Variants in ZNF57 observed in about 807,000 individuals in gnomAD.
ZNF57 encodes zinc finger protein 424.
In ZNF57, 11 loss-of-function variants were observed where a neutral mutation model predicts 13.4. The ratio of observed to expected loss-of-function variants is 0.82; its 90% CI spans 0.52 to 1.36. ZNF57 has a LOEUF of 1.36. Ranked by LOEUF, ZNF57 falls within the 40% of genes most tolerant of loss-of-function variation. The pLI is 0.00. For missense variants in ZNF57, 696 were observed against 667.5 expected, an observed-to-expected ratio of 1.04 and a Z score of -0.47; for synonymous variants, 224 against 238.5, an observed-to-expected ratio of 0.94 and a Z score of 0.56.
At chr19:2,911,529 T>C (rs2088135998) in intron 1 of ZNF57, among the ~76,000 whole-genome samples, 1 of 110,068 alleles carries the variant, frequency 9.1e-6, no homozygotes, top group African/African-American at 4.2e-5. Context: ...GGAGAGTCTG[T>C]CTCAAAAACA....
rs1555677930 is a variant in ZNF57 at position 2,909,283 on chromosome 19, T to TTTTA, written c.4-6236_4-6235insATTT. 4.3e-5 allele frequency among the ~76,000 whole-genome samples: 5 copies of TTTTA among 116,452 alleles called. No individual in the cohort carries two copies. In the South Asian group the frequency reaches 1.1e-3, roughly 26 times the overall value. The allele number at this position is 116,452 out of a possible 152,430, so 76.4% of individuals were successfully genotyped here. A position where few individuals can be genotyped will look rare whatever the true frequency, so the allele number is the denominator to read the frequency against. ...TAGATTTTATTTTATTTATTTTTGT[T>TTTTA]TTTTTTTTTTTTTTTGAGACAGAGT... is the stretch of plus-strand genomic sequence containing the variant. On this transcript the variant is annotated intron_variant, in intron 1 of 3. Coordinates refer to ENST00000306908, the MANE Select transcript of ZNF57 (RefSeq NM_173480.3).
intron 1 of ZNF57, among the ~76,000 whole-genome samples, chr19:2,913,810 T>G (rs1217707658): frequency 6.6e-6 from 1 of 152,168 alleles, no homozygotes; most frequent in Non-Finnish European, 1.5e-5. Context: ...CCAGCAAATT[T>G]TTGCATTTTT....
Position 2,918,082 on chromosome 19 carries a change from G to C in ZNF57, c.1461G>C (p.Trp487Cys). The stretch of plus-strand genomic sequence containing the variant: ...AACAATGTGGAAAAACCTTCACTTG[G>C]TCCTCAACCTTACATAATCATGTGA... ...ECKQCGKTFT[W>C]SSTLHNHVRM... The change falls in exon 4 of 4, where the codon TGG (tryptophan) becomes TGC (cysteine). Residue 487 changes from tryptophan to cysteine, a missense_variant. By Grantham distance (215) the Trp-to-Cys change is radical (BLOSUM62 -2). Transcript: ENST00000306908. 3 of 1,614,028 alleles carry C rather than the reference G, an allele frequency of 1.9e-6. No homozygotes were observed. Among genetic ancestry groups the C allele is most frequent in the Non-Finnish European group, 2.5e-6 (3 of 1,179,982 alleles).
intron 1 of ZNF57, among the ~76,000 whole-genome samples, chr19:2,901,708 A>G (rs199595379): frequency 7.9e-5 from 12 of 151,960 alleles, no homozygotes; most frequent in South Asian, 2.1e-4. Flanking sequence ...TAGTAGAGAC[A>G]GGGTTTCACC....
rs779772739 is a variant in ZNF57, at chr19:2,917,088, A to C, written c.467A>C (p.Lys156Thr). Residue 156 changes from lysine (K) to threonine (T), a missense_variant, in exon 4 of 4, where the codon AAA (lysine) becomes ACA (threonine). This residue lies in a region of ZNF57 where 645 missense variants were observed against 591.5 expected (regional missense o/e 1.09). Coordinates refer to ENST00000306908, the MANE Select transcript of ZNF57 (RefSeq NM_173480.3). Reference protein sequence around the residue: ...RTVFTHLSSLKRHVKSHCGRK... With the variant: ...RTVFTHLSSLTRHVKSHCGRK... Reference sequence around the variant, plus strand: ...GTCTTCACGCATCTTTCTTCTCTTAAAAGGCACGTCAAGTCTCACTGTGGA... The same window carrying C: ...GTCTTCACGCATCTTTCTTCTCTTACAAGGCACGTCAAGTCTCACTGTGGA... 27 of 1,614,040 alleles carry C rather than the reference A, an allele frequency of 1.7e-5. No homozygotes were observed. The highest frequency in any genetic ancestry group is 2.3e-5 in the Non-Finnish European group (27 of 1,180,034).
intron 1 of ZNF57, among the ~76,000 whole-genome samples, chr19:2,904,766 T>G (rs2088058884): frequency 6.6e-6 from 1 of 152,160 alleles, no homozygotes; most frequent in African/African-American, 2.4e-5. Context: ...GGTCTCAAAC[T>G]CTTGGCCTCA....
chr19:2,915,670 C>T (rs1349427670), intron 2 of ZNF57, 22 bp downstream of exon 2: 1 of 1,613,462 alleles, frequency 6.2e-7, no homozygotes, highest in South Asian at 1.1e-5. Flanking sequence ...ATCATTCCTT[C>T]CCTTGGTTTT....
At chr19:2,914,017 GTTC>G (rs2088165830) in intron 1 of ZNF57, among the ~76,000 whole-genome samples, 2 of 152,286 alleles carry the variant, frequency 1.3e-5, no homozygotes, top group African/African-American at 4.8e-5. Context: ...TTTACAGAAC[GTTC>G]TTCTGCACTT....
At chr19:2,905,675 G>T (rs1473156174) in intron 1 of ZNF57, among the ~76,000 whole-genome samples, 2 of 149,394 alleles carry the variant, frequency 1.3e-5, no homozygotes, top group African/African-American at 4.9e-5. Flanking sequence ...TGAGGCTGGA[G>T]AATGGCGTGA....
rs188291511 is a variant in ZNF57 at position 2,906,538 on chromosome 19, G to A, written c.3+5490G>A. On this transcript the variant is annotated intron_variant, in intron 1 of 3. Transcript: ENST00000306908. ...TGGAGTTGATTGCACAGCCTTGCCC[G>A]TCTACCCATATGCAAGAAGCAGCCC... Among the ~76,000 whole-genome samples the A allele has an allele frequency of 2.9e-3, 440 of 152,266 alleles. 13 individuals are homozygous for A. The highest frequency in any genetic ancestry group is 0.025 in the Admixed American group (389 of 15,294).
Position 2,910,220 on chromosome 19 carries a change from C to T in ZNF57, c.4-5302C>T, listed in dbSNP as rs1162964710. On this transcript the variant is annotated intron_variant, in intron 1 of 3. Transcript: ENST00000306908. ...CTGTATGTTTTATTTTAGGGCAATG[C>T]TGATTTAATTCCAGTATTGTCTAAG... 8.3e-5 allele frequency among the ~76,000 whole-genome samples: 4 copies of T among 47,982 alleles called. 2 individuals are homozygous for T. The highest frequency in any genetic ancestry group is 2.7e-4 in the Non-Finnish European group (4 of 14,704). 31.5% of individuals were successfully genotyped at this position (47,982 alleles called of 152,430 possible). A position where few individuals can be genotyped will look rare whatever the true frequency, so the allele number is the denominator to read the frequency against.
At chr19:2,903,762 T>G (rs567790892) in intron 1 of ZNF57, among the ~76,000 whole-genome samples, 2 of 151,688 alleles carry the variant, frequency 1.3e-5, no homozygotes, top group East Asian at 3.9e-4. Context: ...TCGCCCAGGC[T>G]GGAGTGCAGT....
intron 1 of ZNF57, among the ~76,000 whole-genome samples, chr19:2,911,116 G>C (rs1369708219): frequency 6.6e-6 from 1 of 152,058 alleles, no homozygotes; most frequent in Non-Finnish European, 1.5e-5. Flanking sequence ...AGGTTGGAGT[G>C]CAGTGGTACA....
At chr19:2,906,378 A>G (rs1048855317) in intron 1 of ZNF57, among the ~76,000 whole-genome samples, 1 of 152,238 alleles carries the variant, frequency 6.6e-6, no homozygotes, top group African/African-American at 2.4e-5. Flanking sequence ...TAAAAGGCTA[A>G]TGCCCAAGCA....
intron 1 of ZNF57, among the ~76,000 whole-genome samples, chr19:2,909,083 TTTTG>T (rs1171247965): frequency 1.3e-5 from 2 of 152,184 alleles, no homozygotes; most frequent in South Asian, 2.1e-4. Context: ...CTGTACCACA[TTTTG>T]TTTATCAGTT....
intron 3 of ZNF57, 32 bp from the exon 4 acceptor site, chr19:2,916,892 C>T (rs995353614): frequency 2.6e-6 from 4 of 1,523,034 alleles, no homozygotes; most frequent in Non-Finnish European, 2.7e-6. Flanking sequence ...ACTAAACATA[C>T]CATACATAAA....
intron 2 of ZNF57, 37 bp from the exon 3 acceptor site, chr19:2,916,041 T>G (rs202244756): frequency 1.9e-6 from 3 of 1,596,398 alleles, no homozygotes; most frequent in Non-Finnish European, 1.7e-6. Flanking sequence ...AATACGTGTC[T>G]TATTCCTTTT....
chr19:2,918,064 T>TG lies in ZNF57; in HGVS notation c.1445dup (p.Thr484AsnfsTer10), dbSNP rs1275805454. ...AGAAGCCTTATGAGTGTAAACAATGTGGAAAAACCTTCACTTGGTCCTCAA... is the reference window on the plus strand; with the variant it reads ...AGAAGCCTTATGAGTGTAAACAATGTGGGAAAAACCTTCACTTGGTCCTCAA... On this transcript the variant is annotated frameshift_variant, in exon 4 of 4. Coordinates refer to ENST00000306908, the MANE Select transcript of ZNF57 (RefSeq NM_173480.3). LOFTEE classifies it low-confidence loss of function (END_TRUNC). The TG allele has an allele frequency of 6.8e-6, 11 of 1,614,180 alleles. No homozygotes were observed. In the East Asian group the frequency reaches 2.2e-4, roughly 33 times the overall value.
In ZNF57 at chr19:2,900,950, C is replaced by T. The variant is rs1230176880; in HGVS notation, c.-96C>T. On this transcript the variant is annotated 5_prime_UTR_variant, in exon 1 of 4. Transcript: ENST00000306908. ...GTCCTCCCTGCCGCGCGTGCCCTGC[C>T]TACCACGAGCGGCCCGGGAGTACCT... is the stretch of plus-strand genomic sequence containing the variant. 3 of 1,498,436 alleles carry T rather than the reference C, an allele frequency of 2.0e-6. No homozygotes were observed. Among genetic ancestry groups the T allele is most frequent in the African/African-American group, 2.8e-5 (2 of 70,764 alleles). 92.8% of individuals were successfully genotyped at this position (1,498,436 alleles called of 1,614,324 possible).
Sources: allele counts gnomAD v4.1 joint callset (sites outside exome capture counted in the v4.1 genomes callset), GRCh38; gene constraint gnomAD v4.1.1; regional missense constraint gnomAD v4.1.1; transcripts MANE v1.5; gene names NCBI Gene and HGNC (gene_info 2026-07-23, HGNC 2026-07-21).